Variants in ATP8A1 observed in about 807,000 individuals in gnomAD.
The protein encoded by ATP8A1 is phospholipid-transporting ATPase IA.
ATP8A1 carries 90 observed loss-of-function variants against 177.7 expected under a neutral mutation model. That is an observed-to-expected ratio of 0.51 (90% CI 0.43 to 0.60). ATP8A1 has a LOEUF of 0.60. Among genes scored for constraint, ATP8A1 ranks in the 20% least tolerant of loss-of-function variants. The probability of loss-of-function intolerance (pLI) is 0.00; values close to 1 mark genes in which losing one functional copy is unlikely to be tolerated. For synonymous variants in ATP8A1, 493 were observed against 485.9 expected (o/e 1.01, Z -0.19); for missense variants, 1,072 against 1,392.8 (o/e 0.77, Z 3.67).
chr4:42,475,579 C>G (rs1040638551), intron 25 of ATP8A1, among the ~76,000 whole-genome samples: 14 of 151,010 alleles, frequency 9.3e-5, no homozygotes, highest in Non-Finnish European at 2.1e-4. Flanking sequence ...TATATACTGT[C>G]AGGCAAAATA....
intron 3 of ATP8A1, 90 bp from the exon 4 acceptor site, chr4:42,624,724 T>C (rs1737859350): frequency 1.7e-6 from 1 of 599,976 alleles, no homozygotes; most frequent in South Asian, 4.3e-5. Flanking sequence ...CCTTCTAAAA[T>C]ATGCCTCACT....
intron 6 of ATP8A1, among the ~76,000 whole-genome samples, chr4:42,597,199 G>A (rs900306237): frequency 4.6e-5 from 7 of 152,126 alleles, no homozygotes; most frequent in Non-Finnish European, 1.0e-4. Flanking sequence ...GAGCCCTGAA[G>A]TAAAGCCCAT....
intron 12 of ATP8A1, among the ~76,000 whole-genome samples, chr4:42,576,695 C>G (rs1316918280): frequency 6.6e-6 from 1 of 152,010 alleles, no homozygotes; most frequent in Non-Finnish European, 1.5e-5. Flanking sequence ...TGTCTGTATT[C>G]TGAACTGATC....
chr4:42,446,686 T>C (rs1224576305), intron 30 of ATP8A1, 42 bp from the exon 31 acceptor site: 1 of 1,537,946 alleles, frequency 6.5e-7, no homozygotes, highest in Non-Finnish European at 9.0e-7. Flanking sequence ...AAAATGAGAT[T>C]CTTTCAGAAT....
chr4:42,451,867 T>A lies in ATP8A1; in HGVS notation c.2896+114A>T, dbSNP rs1717964198. 8 of 708,772 alleles carry A rather than the reference T, an allele frequency of 1.1e-5. No individual in the cohort carries two copies. The South Asian group carries it at 2.0e-4, about 17-fold the overall frequency. 43.9% of individuals were successfully genotyped at this position (708,772 alleles called of 1,614,324 possible). A position where few individuals can be genotyped will look rare whatever the true frequency, so the allele number is the denominator to read the frequency against. On this transcript the variant is annotated intron_variant, in intron 30 of 36. Coordinates refer to ENST00000381668, the MANE Select transcript of ATP8A1 (RefSeq NM_006095.2). ...ATTTTTGGGTGCATGCATTTTAGGT[T>A]AAGAGAAATATCATACAATGAAACT...
chr4:42,409,866 A>C lies in ATP8A1; in HGVS notation c.*3050T>G, dbSNP rs1265775024. The C allele has an allele frequency of 6.6e-6, 1 of 152,194 alleles. No homozygotes were observed. The highest frequency in any genetic ancestry group is 1.5e-5 in the Non-Finnish European group (1 of 68,010). 9.4% of individuals were successfully genotyped at this position (152,194 alleles called of 1,614,324 possible). ...TTAAAGTATAAAATTTAATGATCAG[A>C]ATGCTGACTGATTTCCATAATTCAT... is the stretch of plus-strand genomic sequence containing the variant. On this transcript the variant is annotated 3_prime_UTR_variant, in exon 37 of 37. Transcript: ENST00000381668.
At chr4:42,555,130 TATCTATCTAATCTATCTATCTATCTATC>T (rs1729989295) in intron 16 of ATP8A1, among the ~76,000 whole-genome samples, 13 of 82,848 alleles carry the variant, frequency 1.6e-4, no homozygotes, top group Non-Finnish European at 3.2e-4. Flanking sequence ...TCTATCTATC[TATCTATCTAATCTATCTATCTATCTATC>T]TATCTATCTA....
rs77047238 is a variant in ATP8A1, at chr4:42,549,444, G to A, written c.1603-382C>T. Among the ~76,000 whole-genome samples, 20 of 151,832 alleles carry A rather than the reference G, an allele frequency of 1.3e-4. No homozygotes were observed. The East Asian group carries it at 2.7e-3, about 21-fold the overall frequency. On this transcript the variant is annotated intron_variant, in intron 18 of 36. Transcript: ENST00000381668. ...AACAATTAATATAGATAATAGGGGGGAAAAAAGGGAAGCAATGAAACAAAC... is the reference window on the plus strand; with the variant it reads ...AACAATTAATATAGATAATAGGGGGAAAAAAAGGGAAGCAATGAAACAAAC...
chr4:42,497,419 A>G (rs570059984), intron 24 of ATP8A1, among the ~76,000 whole-genome samples: 2 of 152,318 alleles, frequency 1.3e-5, no homozygotes, highest in East Asian at 3.9e-4. Context: ...AGAAATGTCA[A>G]CAAACTTGTG....
chr4:42,644,551 G>A (rs1740335479), intron 1 of ATP8A1, among the ~76,000 whole-genome samples: 1 of 152,088 alleles, frequency 6.6e-6, no homozygotes, highest in African/African-American at 2.4e-5. Context: ...AAGGATAGAT[G>A]AGAACTATAA....
chr4:42,622,410 G>A lies in ATP8A1; in HGVS notation c.363+2126C>T, dbSNP rs113967085. Among the ~76,000 whole-genome samples the A allele has an allele frequency of 5.3e-3, 808 of 151,688 alleles. 11 individuals are homozygous for A. The highest frequency in any genetic ancestry group is 0.018 in the African/African-American group (752 of 41,396). On this transcript the variant is annotated intron_variant, in intron 4 of 36. Coordinates refer to ENST00000381668, the MANE Select transcript of ATP8A1 (RefSeq NM_006095.2). ...AACAAAAAAAACAAACACAAAAAAAGACTTAAATATAAAACCCCAAACTAT... is the reference window on the plus strand; with the variant it reads ...AACAAAAAAAACAAACACAAAAAAAAACTTAAATATAAAACCCCAAACTAT...
At chr4:42,656,765 G>A in intron 1 of ATP8A1, 60 bp downstream of exon 1, 4 of 1,464,262 alleles carry the variant, frequency 2.7e-6, no homozygotes, top group Non-Finnish European at 2.7e-6. Context: ...AAACACACAC[G>A]CTCACACACA....
At position 42,431,621 on chromosome 4, in the gene ATP8A1, A is replaced by G. The variant is rs192265115; in HGVS notation, c.3124-7916T>C. 5.3e-5 allele frequency among the ~76,000 whole-genome samples: 8 copies of G among 152,332 alleles called. No homozygotes were observed. The East Asian group carries it at 5.8e-4, about 11-fold the overall frequency. The stretch of plus-strand genomic sequence containing the variant: ...AGTTAACAAGTTAGAGAAAACTCCA[A>G]AAGTGGCAAATCCATTATGTATTTC... On this transcript the variant is annotated intron_variant, in intron 33 of 36. Coordinates refer to ENST00000381668, the MANE Select transcript of ATP8A1 (RefSeq NM_006095.2).
chr4:42,486,098 G>C (rs1722171038), intron 24 of ATP8A1, among the ~76,000 whole-genome samples: 1 of 152,162 alleles, frequency 6.6e-6, no homozygotes, highest in South Asian at 2.1e-4. Context: ...TGCCACGAGA[G>C]TACACTGAAC....
intron 19 of ATP8A1, among the ~76,000 whole-genome samples, chr4:42,544,784 C>A (rs947389325): frequency 6.6e-6 from 1 of 152,136 alleles, no homozygotes; most frequent in Non-Finnish European, 1.5e-5. Context: ...AGCTAAAAAA[C>A]TGAGATGAGT....
intron 20 of ATP8A1, among the ~76,000 whole-genome samples, chr4:42,531,646 ATATCT>A (rs1227398080): frequency 3.9e-5 from 6 of 152,216 alleles, no homozygotes; most frequent in Admixed American, 6.5e-5. Flanking sequence ...TGCTGATGAC[ATATCT>A]TATATCTGCA....
intron 5 of ATP8A1, among the ~76,000 whole-genome samples, chr4:42,613,867 A>G (rs138651263): frequency 0.019 from 2,761 of 149,226 alleles, 74 homozygotes; most frequent in African/African-American, 0.063. Flanking sequence ...TACAGGCATG[A>G]GCCGCCCCGC....
rs1712780920 is a variant in ATP8A1, at chr4:42,412,898, C to T, written c.*18G>A. On this transcript the variant is annotated 3_prime_UTR_variant, in exon 37 of 37. Coordinates refer to ENST00000381668, the MANE Select transcript of ATP8A1 (RefSeq NM_006095.2). The stretch of plus-strand genomic sequence containing the variant: ...CTCCTTAGAGAGGTAACAGAGCCTG[C>T]CTTTCAGGCTCTCCCCATCACCATT... The T allele has an allele frequency of 6.2e-7, 1 of 1,603,678 alleles. No individual in the cohort carries two copies. The highest frequency in any genetic ancestry group is 8.5e-7 in the Non-Finnish European group (1 of 1,170,902).
chr4:42,651,863 C>A (rs1301636953), intron 1 of ATP8A1, among the ~76,000 whole-genome samples: 1 of 152,220 alleles, frequency 6.6e-6, no homozygotes, highest in Non-Finnish European at 1.5e-5. Context: ...ACTAGTTTTA[C>A]AGGAGTGAGA....
Sources: gnomAD v4.1 joint callset for allele counts (sites outside exome capture counted in the v4.1 genomes callset) on GRCh38, gnomAD v4.1.1 for gene constraint, MANE v1.5 for transcripts, NCBI Gene and HGNC (gene_info 2026-07-23, HGNC 2026-07-21) for gene names.